Variants in ZBTB17 observed in about 807,000 individuals in gnomAD.
The protein encoded by ZBTB17 is zinc finger and BTB domain-containing protein 17.
In ZBTB17, 24 loss-of-function variants were observed where a neutral mutation model predicts 85.1. The ratio of observed to expected loss-of-function variants is 0.28; its 90% CI spans 0.20 to 0.40. ZBTB17 has a LOEUF of 0.40. ZBTB17 is among the 10% of genes least tolerant of loss of function. The pLI is 1.00. For synonymous variants in ZBTB17, 464 were observed against 460.2 expected, an observed-to-expected ratio of 1.01 and a Z score of -0.11; for missense variants, 743 against 1,105.1, an observed-to-expected ratio of 0.67 and a Z score of 4.65.
At chr1:15,960,303 T>G (rs977652231) in intron 2 of ZBTB17, among the ~76,000 whole-genome samples, 3 of 152,222 alleles carry the variant, frequency 2.0e-5, no homozygotes, top group African/African-American at 7.2e-5. Flanking sequence ...AGTTTCTTCT[T>G]CATAAAGCTA....
chr1:15,952,976 T>TA lies in ZBTB17; in HGVS notation c.-2-4480dup, dbSNP rs2071917854. On this transcript the variant is annotated intron_variant, in intron 2 of 15. Coordinates refer to ENST00000375743, the MANE Select transcript of ZBTB17 (RefSeq NM_003443.3). The surrounding 1 kb of genome is among the most constrained non-coding windows in gnomAD (Gnocchi z 4.3). ...AGCAGGAGATAACTGAGACGGACGG[T>TA]AAAACCAGGAAGAAAAGGAAGTGAT... is the stretch of plus-strand genomic sequence containing the variant. The TA allele has an allele frequency of 6.6e-6, 1 of 152,094 alleles. No homozygotes were observed. The highest frequency in any genetic ancestry group is 2.4e-5 in the African/African-American group (1 of 41,350). The allele number at this position is 152,094 out of a possible 1,614,324, so 9.4% of individuals were successfully genotyped here. A position where few individuals can be genotyped will look rare whatever the true frequency, so the allele number is the denominator to read the frequency against.
chr1:15,961,909 T>C (rs1257027163), intron 2 of ZBTB17, among the ~76,000 whole-genome samples: 1 of 152,208 alleles, frequency 6.6e-6, no homozygotes, highest in Non-Finnish European at 1.5e-5. Flanking sequence ...TTAATATATA[T>C]GCTTTATCAG....
At chr1:15,960,168 C>T (rs1465587016) in intron 2 of ZBTB17, among the ~76,000 whole-genome samples, 1 of 152,252 alleles carries the variant, frequency 6.6e-6, no homozygotes, top group African/African-American at 2.4e-5. Context: ...AGTTAAAACA[C>T]TCCTACCTCC....
At chr1:15,970,375 A>G (rs1345566402) in intron 2 of ZBTB17, among the ~76,000 whole-genome samples, 2 of 151,718 alleles carry the variant, frequency 1.3e-5, no homozygotes, top group African/African-American at 2.4e-5. Context: ...AAGAAGAAAA[A>G]AAAAAAAAAG....
chr1:15,954,294 T>C (rs1050378038), intron 2 of ZBTB17, among the ~76,000 whole-genome samples: 5 of 152,332 alleles, frequency 3.3e-5, no homozygotes, highest in Admixed American at 6.5e-5. Flanking sequence ...CCCAGGTTAT[T>C]AGTATGCACT....
intron 4 of ZBTB17, among the ~76,000 whole-genome samples, chr1:15,946,585 C>T (rs116641545): frequency 1.6e-4 from 24 of 152,322 alleles, no homozygotes; most frequent in African/African-American, 5.5e-4. Context: ...AAGGGAGGAA[C>T]GCAGCCTCTG....
chr1:15,945,405 G>A (rs1181213197), intron 6 of ZBTB17, among the ~76,000 whole-genome samples: 5 of 152,234 alleles, frequency 3.3e-5, no homozygotes, highest in South Asian at 4.1e-4. Flanking sequence ...CTGTCGGCCA[G>A]CAGGCACTGG....
rs189290511 is a variant in ZBTB17, at chr1:15,966,443, C to T, written c.-3+6596G>A. On this transcript the variant is annotated intron_variant, in intron 2 of 15. Transcript: ENST00000375743. This position sits in a 1 kb window ranked among gnomAD's most constrained non-coding sequence, Gnocchi z 4.1. ...CCTGCTTTCTGGCCCGCTCTCCACT[C>T]GCAGCGGGAATTCCCACCTCTGAGC... is the stretch of plus-strand genomic sequence containing the variant. Among the ~76,000 whole-genome samples, 8 of 152,266 alleles carry T rather than the reference C, an allele frequency of 5.3e-5. No individual in the cohort carries two copies. The highest frequency in any genetic ancestry group is 4.1e-4 in the South Asian group (2 of 4,822).
rs1032461294 is a variant in ZBTB17 at position 15,973,387 on chromosome 1, A to T, written c.-89-262T>A. 2.0e-5 allele frequency among the ~76,000 whole-genome samples: 3 copies of T among 152,170 alleles called. No individual in the cohort carries two copies. Among genetic ancestry groups the T allele is most frequent in the African/African-American group, 4.8e-5 (2 of 41,430 alleles). On this transcript the variant is annotated intron_variant, in intron 1 of 15. Coordinates refer to ENST00000375743, the MANE Select transcript of ZBTB17 (RefSeq NM_003443.3). The surrounding 1 kb of genome is among the most constrained non-coding windows in gnomAD (Gnocchi z 4.1). ...ATAAGAGACAGGACACAATGTTAAG[A>T]AGGAAAAACGACAAGGTTTGTATCC...
rs775686038 is a variant in ZBTB17, at chr1:15,942,537, T to C, written c.2030A>G (p.Gln677Arg). Reference sequence around the variant, plus strand: ...CTGCCCACAGCCCGCACCTGTGAGCTGAGTGACGGCTGTCGCTGCCAGTGC... The same window carrying C: ...CTGCCCACAGCCCGCACCTGTGAGCCGAGTGACGGCTGTCGCTGCCAGTGC... ...TEALAATAVTQLTVVPVGAAV... is the reference protein window; with the variant it reads ...TEALAATAVTRLTVVPVGAAV... The change falls in exon 14 of 16, where the codon CAG (glutamine) becomes CGG (arginine). Residue 677 changes from glutamine to arginine, a missense_variant. By Grantham distance (43) the Gln-to-Arg change is conservative. Coordinates refer to ENST00000375743, the MANE Select transcript of ZBTB17 (RefSeq NM_003443.3). 2.6e-5 allele frequency: 42 copies of C among 1,610,912 alleles called. No individual in the cohort carries two copies. Among genetic ancestry groups the C allele is most frequent in the Non-Finnish European group, 3.4e-5 (40 of 1,179,966 alleles).
intron 2 of ZBTB17, among the ~76,000 whole-genome samples, chr1:15,955,818 C>T (rs888839198): frequency 3.5e-4 from 54 of 152,146 alleles, no homozygotes; most frequent in Non-Finnish European, 6.5e-4. Context: ...ATTAGCTGGG[C>T]GTGAGCTATG....
chr1:15,970,066 C>T, intron 2 of ZBTB17: 1 of 700,788 alleles, frequency 1.4e-6, no homozygotes, highest in Non-Finnish European at 2.5e-6. Flanking sequence ...TAGGATTTTA[C>T]ATCAATGAAG....
chr1:15,943,274 C>A, intron 12 of ZBTB17, 80 bp from the exon 13 acceptor site: 2 of 1,606,126 alleles, frequency 1.2e-6, no homozygotes, highest in Non-Finnish European at 8.5e-7. Flanking sequence ...TGAAAAGGAC[C>A]CCTAGGACCA....
At chr1:15,950,900 C>A (rs1276263077) in intron 2 of ZBTB17, among the ~76,000 whole-genome samples, 1 of 152,208 alleles carries the variant, frequency 6.6e-6, no homozygotes, top group Non-Finnish European at 1.5e-5. Flanking sequence ...CAAGCGCAGC[C>A]CCGCCCAGCC....
At chr1:15,946,395 A>G in intron 4 of ZBTB17, 101 bp from the exon 5 acceptor site, 1 of 1,518,910 alleles carries the variant, frequency 6.6e-7, no homozygotes. Flanking sequence ...CGTCCTCCCT[A>G]GGGTACCTCT....
At chr1:15,946,673 G>A (rs1054341112) in intron 4 of ZBTB17, among the ~76,000 whole-genome samples, 1 of 152,232 alleles carries the variant, frequency 6.6e-6, no homozygotes, top group Non-Finnish European at 1.5e-5. Context: ...AGTGGAAGGA[G>A]GGGCTCAGGA....
Position 15,944,813 on chromosome 1 carries a change from C to G in ZBTB17, c.954G>C (p.Thr318=). The G allele has an allele frequency of 6.2e-7, 1 of 1,607,496 alleles. No individual in the cohort carries two copies. The highest frequency in any genetic ancestry group is 1.1e-5 in the South Asian group (1 of 90,138). The change falls in exon 8 of 16, where the codon ACG becomes ACC. Residue 318 remains threonine (T), a synonymous_variant. Coordinates refer to ENST00000375743, the MANE Select transcript of ZBTB17 (RefSeq NM_003443.3). The part of the protein sequence containing the change: ...CEDCGKEFTH[T]GNFKRHIRIH... ...TGCGGATGTGCCGCTTGAAGTTCCC[C>G]GTGTGCGTGAACTCCTTCCCACAGT...
rs1171393153 is a variant in ZBTB17, at chr1:15,976,012, GA to G, written c.-120del. ...CATGTCCCGGACCCCACCGCAGAGGGAGGTGCATCACGGCCGCGAGAAGGCC... is the reference window on the plus strand; with the variant it reads ...CATGTCCCGGACCCCACCGCAGAGGGGGTGCATCACGGCCGCGAGAAGGCC... On this transcript the variant is annotated 5_prime_UTR_variant, in exon 1 of 16. An upstream open reading frame in the 5' UTR loses its in-frame stop. Coordinates refer to ENST00000375743, the MANE Select transcript of ZBTB17 (RefSeq NM_003443.3). 2 of 698,618 alleles carry G rather than the reference GA, an allele frequency of 2.9e-6. No homozygotes were observed. The highest frequency in any genetic ancestry group is 3.5e-5 in the African/African-American group (2 of 56,888). The allele number at this position is 698,618 out of a possible 1,614,324, so 43.3% of individuals were successfully genotyped here. A position where few individuals can be genotyped will look rare whatever the true frequency, so the allele number is the denominator to read the frequency against.
At chr1:15,963,700 A>G (rs2072338287) in intron 2 of ZBTB17, among the ~76,000 whole-genome samples, 1 of 152,230 alleles carries the variant, frequency 6.6e-6, no homozygotes, top group African/African-American at 2.4e-5. Flanking sequence ...CAGGCAGATG[A>G]AAGTGATCCC....
Sources: allele counts gnomAD v4.1 joint callset (sites outside exome capture counted in the v4.1 genomes callset), GRCh38; gene constraint gnomAD v4.1.1; non-coding constraint Gnocchi (gnomAD v3.1); transcripts MANE v1.5; gene names NCBI Gene and HGNC (gene_info 2026-07-23, HGNC 2026-07-21).